ITCH: variants seen among roughly 807,000 people sequenced by gnomAD.
ITCH encodes E3 ubiquitin-protein ligase Itchy homolog.
ITCH carries 28 observed loss-of-function variants against 126.8 expected under a neutral mutation model. The ratio of observed to expected loss-of-function variants is 0.22; its 90% confidence interval spans 0.16 to 0.30. The LOEUF (loss-of-function observed/expected upper bound fraction) is 0.30. Ranked by LOEUF, ITCH falls within the 10% of genes least tolerant of loss-of-function variation. The pLI is 1.00. For synonymous variants in ITCH, 342 were observed against 340.0 expected (o/e 1.01, Z -0.06); for missense variants, 631 against 1,032.4 (o/e 0.61, Z 5.33).
chr20:34,490,281 T>C (rs971847624), intron 22 of ITCH, among the ~76,000 whole-genome samples: 1 of 152,234 alleles, frequency 6.6e-6, no homozygotes, highest in African/African-American at 2.4e-5. Context: ...TTTAAGAGAC[T>C]TGGTTTAGAA....
intron 17 of ITCH, 90 bp downstream of exon 17, chr20:34,477,950 T>C (rs1988388238): frequency 1.3e-6 from 2 of 1,540,850 alleles, no homozygotes; most frequent in South Asian, 1.2e-5. Context: ...CTCAATCTTA[T>C]ATTTTAGGAA....
At chr20:34,399,611 C>T (rs1338318663) in intron 3 of ITCH, among the ~76,000 whole-genome samples, 4 of 151,994 alleles carry the variant, frequency 2.6e-5, no homozygotes, top group African/African-American at 7.2e-5. Context: ...GAGGCTGAGG[C>T]GGGCAGATCA....
intron 3 of ITCH, among the ~76,000 whole-genome samples, chr20:34,397,927 TCA>T (rs1020630229): frequency 1.6e-4 from 25 of 152,168 alleles, no homozygotes; most frequent in African/African-American, 6.0e-4. Flanking sequence ...TAAATTATTC[TCA>T]GAGACAATGA....
chr20:34,488,299 T>C (rs948235623), intron 20 of ITCH, among the ~76,000 whole-genome samples: 1 of 152,210 alleles, frequency 6.6e-6, no homozygotes, highest in African/African-American at 2.4e-5. Context: ...TTTTGAAGGA[T>C]ATTGTCACTA....
chr20:34,474,985 G>A (rs558411770), intron 16 of ITCH, among the ~76,000 whole-genome samples: 11 of 151,804 alleles, frequency 7.2e-5, no homozygotes, highest in African/African-American at 1.9e-4. Flanking sequence ...ACGGGGTCGC[G>A]GCTGGGCAGA....
intron 2 of ITCH, among the ~76,000 whole-genome samples, chr20:34,386,938 G>A (rs1282450890): frequency 6.6e-6 from 1 of 152,042 alleles, no homozygotes; most frequent in Non-Finnish European, 1.5e-5. Context: ...CAGTGTTTTA[G>A]CACCTTCTTT....
intron 24 of ITCH, among the ~76,000 whole-genome samples, chr20:34,506,480 C>G (rs1569015599): frequency 6.6e-6 from 1 of 152,182 alleles, no homozygotes; most frequent in Non-Finnish European, 1.5e-5. Context: ...GGTGAATGAG[C>G]ATTACCTGCT....
chr20:34,444,417 C>T (rs1226236938), intron 10 of ITCH, among the ~76,000 whole-genome samples: 2 of 152,068 alleles, frequency 1.3e-5, no homozygotes, highest in Admixed American at 6.6e-5. Context: ...AACCCTGTCT[C>T]TACTAAAAAT....
intron 4 of ITCH, among the ~76,000 whole-genome samples, chr20:34,411,848 A>G (rs1979083533): frequency 6.6e-6 from 1 of 152,250 alleles, no homozygotes; most frequent in South Asian, 2.1e-4. Flanking sequence ...TGGAAATACC[A>G]TTATAGAGAG....
intron 15 of ITCH, among the ~76,000 whole-genome samples, 198 bp downstream of exon 15, chr20:34,470,318 A>T (rs1354542811): frequency 6.6e-6 from 1 of 152,000 alleles, no homozygotes; most frequent in Non-Finnish European, 1.5e-5. Flanking sequence ...AGAAAATTAA[A>T]CCTCATGTAA....
chr20:34,456,214 AT>A (rs1174099069), intron 12 of ITCH, among the ~76,000 whole-genome samples: 8 of 17,712 alleles, frequency 4.5e-4, no homozygotes, highest in Admixed American at 1.2e-3. Context: ...ATATATATAT[AT>A]TTTTTTTTTT....
intron 2 of ITCH, among the ~76,000 whole-genome samples, chr20:34,380,349 G>A (rs76573420): frequency 2.6e-4 from 39 of 152,054 alleles, no homozygotes; most frequent in Non-Finnish European, 4.6e-4. Flanking sequence ...CATATTTTTT[G>A]TTCATTTCCC....
rs148152554 is a variant in ITCH, at chr20:34,394,528, G to A, written c.70+647G>A. ...GCCTCCTGCTGTGGTGACTACAGTCGTGCACCACCATGCCCAGCAAATTCT... is the reference window on the plus strand; with the variant it reads ...GCCTCCTGCTGTGGTGACTACAGTCATGCACCACCATGCCCAGCAAATTCT... On this transcript the variant is annotated intron_variant, in intron 3 of 24. Transcript: ENST00000374864. Among the ~76,000 whole-genome samples, 39 of 152,160 alleles carry A rather than the reference G, an allele frequency of 2.6e-4. No individual in the cohort carries two copies. In the East Asian group the frequency reaches 5.6e-3, roughly 22 times the overall value.
rs766959569 is a variant in ITCH, at chr20:34,480,714, A to G, written c.1934A>G (p.Asn645Ser). Reference protein sequence around the residue: ...DLESIDPEFYNSLIWVKENNI... With the variant: ...DLESIDPEFYSSLIWVKENNI... ...GAATCTATTGATCCAGAATTTTACA[A>G]TTCTCTCATCTGGGTTAAGTAAGTT... is the stretch of plus-strand genomic sequence containing the variant. Residue 645 changes from asparagine (N) to serine (S), a missense_variant, in exon 19 of 25, where the codon AAT becomes AGT. By Grantham distance (46) the Asn-to-Ser change is conservative. This residue lies in a region of ITCH where 390 missense variants were observed against 731.6 expected (regional missense o/e 0.53). Transcript: ENST00000374864. 88 of 1,607,430 alleles carry G rather than the reference A, an allele frequency of 5.5e-5. No individual in the cohort carries two copies. In the East Asian group the frequency reaches 1.1e-3, roughly 20 times the overall value.
intron 1 of ITCH, 31 bp from the exon 2 acceptor site, chr20:34,369,363 A>T (rs114439396): frequency 1.5e-4 from 61 of 398,976 alleles, no homozygotes; most frequent in African/African-American, 1.1e-3. Context: ...TATAGAAGTA[A>T]TGTGTTAATG....
At chr20:34,418,784 G>A (rs1445492992) in intron 6 of ITCH, among the ~76,000 whole-genome samples, 2 of 105,844 alleles carry the variant, frequency 1.9e-5, no homozygotes, top group South Asian at 3.0e-4. Flanking sequence ...TTTGTGAGAC[G>A]GGGTTTCGCT....
intron 24 of ITCH, among the ~76,000 whole-genome samples, chr20:34,504,996 CCTT>C (rs1382479530): frequency 6.6e-6 from 1 of 152,034 alleles, no homozygotes; most frequent in African/African-American, 2.4e-5. Context: ...ATAAAACTCA[CCTT>C]CTTAAATTAT....
intron 3 of ITCH, among the ~76,000 whole-genome samples, chr20:34,408,313 A>G (rs955840969): frequency 5.3e-5 from 8 of 152,126 alleles, no homozygotes; most frequent in Admixed American, 3.3e-4. Context: ...AGCTTAGGCA[A>G]TCCTCTTGCC....
intron 3 of ITCH, among the ~76,000 whole-genome samples, chr20:34,407,497 G>A (rs1237077455): frequency 6.6e-6 from 1 of 152,134 alleles, no homozygotes; most frequent in East Asian, 1.9e-4. Flanking sequence ...TTAAACTCAT[G>A]ACCTCAGGTG....
Sources: gnomAD v4.1 joint callset for allele counts (sites outside exome capture counted in the v4.1 genomes callset) on GRCh38, gnomAD v4.1.1 for gene constraint, gnomAD v4.1.1 regional missense constraint, MANE v1.5 for transcripts, NCBI Gene and HGNC (gene_info 2026-07-23, HGNC 2026-07-21) for gene names.